The following VWA8 variants were observed in gnomAD, a reference collection of about 807,000 sequenced individuals.
VWA8 encodes the protein von Willebrand factor A domain-containing protein 8.
Under a neutral mutation model 241.5 loss-of-function variants are expected in VWA8, and 221 were observed. That is an observed-to-expected ratio of 0.91 (90% CI 0.82 to 1.02). The LOEUF is 1.02. Among genes scored for constraint, VWA8 ranks in the 50% least tolerant of loss-of-function variants. The pLI, the probability that VWA8 is intolerant of heterozygous loss-of-function variation, is 0.00. For synonymous variants in VWA8, 852 were observed against 827.1 expected, an observed-to-expected ratio of 1.03 and a Z score of -0.52; for missense variants, 2,322 against 2,328.7, an observed-to-expected ratio of 1.00 and a Z score of 0.06.
At chr13:41,864,595 A>G in intron 12 of VWA8, 1 of 443,830 alleles carries the variant, frequency 2.3e-6, no homozygotes, top group Non-Finnish European at 4.5e-6. Context: ...CAAAAATTAT[A>G]TGATTCCATT....
At chr13:41,672,186 G>C (rs925595366) in intron 36 of VWA8, among the ~76,000 whole-genome samples, 3 of 152,128 alleles carry the variant, frequency 2.0e-5, no homozygotes, top group African/African-American at 7.2e-5. Context: ...ATTTGTATGT[G>C]ATATTTTGCC....
chr13:41,896,958 C>T (rs1875138949), intron 4 of VWA8, among the ~76,000 whole-genome samples: 1 of 152,126 alleles, frequency 6.6e-6, no homozygotes, highest in Admixed American at 6.5e-5. Flanking sequence ...GTCATCAAAA[C>T]ACTGTTTTAT....
At chr13:41,610,872 A>G (rs1170368418) in intron 39 of VWA8, among the ~76,000 whole-genome samples, 1 of 152,188 alleles carries the variant, frequency 6.6e-6, no homozygotes, top group Non-Finnish European at 1.5e-5. Flanking sequence ...GTAGTGGCCC[A>G]GAACAGCTGG....
Position 41,675,196 on chromosome 13 carries a change from CA to C in VWA8, c.4409+18del. On this transcript the variant is annotated intron_variant, in intron 36 of 44. Transcript: ENST00000379310. Reference sequence around the variant, plus strand: ...TTTTTATGACATACTAAGCTAAGAACAAAGGTGAAATGGATTACCTGGGAAT... The same window carrying C: ...TTTTTATGACATACTAAGCTAAGAACAAGGTGAAATGGATTACCTGGGAAT... The C allele has an allele frequency of 6.3e-7, 1 of 1,585,314 alleles. No individual in the cohort carries two copies. The highest frequency in any genetic ancestry group is 8.7e-7 in the Non-Finnish European group (1 of 1,155,990).
chr13:41,732,213 T>C (rs2045490488), intron 21 of VWA8, 58 bp from the exon 22 acceptor site: 2 of 1,518,040 alleles, frequency 1.3e-6, no homozygotes, highest in African/African-American at 1.4e-5. Flanking sequence ...TGATTGATCA[T>C]GATAAAAATA....
intron 37 of VWA8, among the ~76,000 whole-genome samples, chr13:41,625,895 T>A (rs1157008453): frequency 6.6e-6 from 1 of 151,830 alleles, no homozygotes; most frequent in African/African-American, 2.4e-5. Context: ...TGGAATACTA[T>A]GCAGCCATAA....
chr13:41,590,483 T>TTTC (rs200684145), intron 41 of VWA8, among the ~76,000 whole-genome samples, 157 bp downstream of exon 41: 9 of 151,238 alleles, frequency 6.0e-5, no homozygotes, highest in East Asian at 1.9e-4. Flanking sequence ...TTATGGAGTT[T>TTTC]TTCTTCTTCT....
intron 4 of VWA8, among the ~76,000 whole-genome samples, chr13:41,900,403 T>C (rs1428237768): frequency 1.3e-5 from 2 of 152,186 alleles, no homozygotes; most frequent in African/African-American, 2.4e-5. Context: ...GAGACCTAAT[T>C]TTCTCAAATA....
At chr13:41,762,019 T>C (rs955565101) in intron 20 of VWA8, among the ~76,000 whole-genome samples, 2 of 152,130 alleles carry the variant, frequency 1.3e-5, no homozygotes, top group East Asian at 1.9e-4. Flanking sequence ...GATTCTTATA[T>C]GGGTTGAGCA....
At chr13:41,834,741 C>T (rs1871639185) in intron 12 of VWA8, among the ~76,000 whole-genome samples, 1 of 152,090 alleles carries the variant, frequency 6.6e-6, no homozygotes, top group East Asian at 1.9e-4. Context: ...GTATATACCC[C>T]AAGGGATATA....
Position 41,573,486 on chromosome 13 carries a change from A to AATAAATAAATAAAT in VWA8, c.5370+2253_5370+2254insATTTATTTATTTAT, listed in dbSNP as rs1555303591. Among the ~76,000 whole-genome samples, 88 of 113,596 alleles carry AATAAATAAATAAAT rather than the reference A, an allele frequency of 7.7e-4. 1 individual carries two copies. Among genetic ancestry groups the AATAAATAAATAAAT allele is most frequent in the African/African-American group, 2.8e-3 (83 of 29,192 alleles). 74.5% of individuals were successfully genotyped at this position (113,596 alleles called of 152,430 possible). Reference sequence around the variant, plus strand: ...GGTGGCTATAGTTTAAAAAAAAAAAAATATATATATATATATATATACCTC... The same window carrying AATAAATAAATAAAT: ...GGTGGCTATAGTTTAAAAAAAAAAAAATAAATAAATAAATATATATATATATATATATATACCTC... On this transcript the variant is annotated intron_variant, in intron 43 of 44. Transcript: ENST00000379310.
chr13:41,711,720 A>G (rs997411152), intron 26 of VWA8, among the ~76,000 whole-genome samples: 4 of 152,026 alleles, frequency 2.6e-5, no homozygotes, highest in African/African-American at 9.7e-5. Flanking sequence ...TAAAAATACA[A>G]AAAATTAGCG....
chr13:41,611,727 T>C lies in VWA8; in HGVS notation c.4726A>G (p.Arg1576Gly), dbSNP rs1394457941. The C allele has an allele frequency of 5.0e-6, 8 of 1,613,666 alleles. No homozygotes were observed. The highest frequency in any genetic ancestry group is 4.0e-5 in the African/African-American group (3 of 74,930). Residue 1576 changes from arginine to glycine, a missense_variant, in exon 39 of 45, where the codon AGA (arginine) becomes GGA (glycine). By Grantham distance (125) the Arg-to-Gly change is moderately radical. Coordinates refer to ENST00000379310, the MANE Select transcript of VWA8 (RefSeq NM_015058.2). ...TTGCCACCCAGGCCTGCCGTGTCTC[T>C]TCCCCCTGGAAGGAAAACGTGGAAA... is the stretch of plus-strand genomic sequence containing the variant. Reference protein sequence around the residue: ...GNTWAGGTGGRDTAGLGGKGG... With the variant: ...GNTWAGGTGGGDTAGLGGKGG...
chr13:41,618,552 G>A (rs1010630518), intron 37 of VWA8, among the ~76,000 whole-genome samples: 8 of 152,200 alleles, frequency 5.3e-5, no homozygotes, highest in Admixed American at 5.2e-4. Flanking sequence ...CCTTGCTCAT[G>A]CCTATGTCCT....
chr13:41,811,286 G>C lies in VWA8; in HGVS notation c.2002C>G (p.Arg668Gly). 6.2e-7 allele frequency: 1 copy of C among 1,611,028 alleles called. No homozygotes were observed. Among genetic ancestry groups the C allele is most frequent in the African/African-American group, 1.3e-5 (1 of 74,954 alleles). Reference protein sequence around the residue: ...STRQLLRISRRLSQYPNENLH... With the variant: ...STRQLLRISRGLSQYPNENLH... ...TTTTCATTAGGATACTGTGACAGCC[G>C]ACGAGAAATTCGCAACAGTTGTCTG... is the stretch of plus-strand genomic sequence containing the variant. Residue 668 changes from arginine to glycine, a missense_variant, in exon 17 of 45, where the codon CGG (arginine) becomes GGG (glycine). Arg to Gly is a moderately radical substitution (Grantham distance 125). Coordinates refer to ENST00000379310, the MANE Select transcript of VWA8 (RefSeq NM_015058.2).
intron 9 of VWA8, among the ~76,000 whole-genome samples, chr13:41,870,635 C>CAA (rs1330134932): frequency 1.3e-4 from 8 of 61,090 alleles, no homozygotes; most frequent in East Asian, 4.9e-4. Flanking sequence ...GACTCCGTCT[C>CAA]AAAAAAAAAA....
intron 15 of VWA8, 35 bp downstream of exon 15, chr13:41,819,183 T>C: frequency 6.4e-7 from 1 of 1,571,862 alleles, no homozygotes; most frequent in Middle Eastern, 1.8e-4. Context: ...GATCAGCTTT[T>C]TAAGAAAATA....
At chr13:41,771,414 C>T (rs1593760598) in intron 20 of VWA8, among the ~76,000 whole-genome samples, 2 of 152,082 alleles carry the variant, frequency 1.3e-5, no homozygotes, top group South Asian at 2.1e-4. Flanking sequence ...TGAGCCACCT[C>T]GCCCAGCCTA....
At chr13:41,657,398 T>C (rs1319540896) in intron 37 of VWA8, among the ~76,000 whole-genome samples, 1 of 152,136 alleles carries the variant, frequency 6.6e-6, no homozygotes, top group Non-Finnish European at 1.5e-5. Context: ...ATAAACATCA[T>C]TTTACATACT....
Sources: allele counts gnomAD v4.1 joint callset (sites outside exome capture counted in the v4.1 genomes callset), GRCh38; gene constraint gnomAD v4.1.1; transcripts MANE v1.5; gene names NCBI Gene and HGNC (gene_info 2026-07-23, HGNC 2026-07-21).